Variants in LDLRAD3 observed in about 807,000 individuals in gnomAD.
The protein encoded by LDLRAD3 is low density lipoprotein receptor class A domain containing 3.
A neutral mutation model predicts 29.4 loss-of-function variants in LDLRAD3; 20 were observed. That is an observed-to-expected ratio of 0.68 (90% CI 0.48 to 0.99). The LOEUF (loss-of-function observed/expected upper bound fraction) is 0.99, where lower values mean the gene tolerates loss of function less well. LDLRAD3 is among the 50% of genes least tolerant of loss of function. The pLI is 0.00. For synonymous variants in LDLRAD3, 157 were observed against 192.7 expected (o/e 0.81, Z 1.53); for missense variants, 420 against 454.3 (o/e 0.92, Z 0.69).
intron 4 of LDLRAD3, among the ~76,000 whole-genome samples, chr11:36,205,205 C>T (rs567983312): frequency 1.3e-4 from 20 of 152,318 alleles, no homozygotes; most frequent in South Asian, 1.0e-3. Flanking sequence ...CTGTGTTCTC[C>T]GTGGGGCCGG....
chr11:35,962,157 G>C (rs1414197675), intron 1 of LDLRAD3, among the ~76,000 whole-genome samples: 1 of 151,904 alleles, frequency 6.6e-6, no homozygotes, highest in Non-Finnish European at 1.5e-5. Context: ...CTGTCTTCTT[G>C]GTCTTTTTGA....
At chr11:36,194,022 T>G (rs1526054) in intron 4 of LDLRAD3, among the ~76,000 whole-genome samples, 56,061 of 151,980 alleles carry the variant, frequency 0.37, 10,480 homozygotes, top group East Asian at 0.51. Context: ...ATGAGATTAT[T>G]ATTACATAAA....
intron 1 of LDLRAD3, among the ~76,000 whole-genome samples, chr11:35,976,743 G>A (rs1370421386): frequency 5.3e-5 from 8 of 152,180 alleles, no homozygotes; most frequent in Admixed American, 2.6e-4. Flanking sequence ...ACTATGAGGT[G>A]TCTGAGACGA....
chr11:36,033,750 G>C (rs1255952432), intron 1 of LDLRAD3, among the ~76,000 whole-genome samples: 1 of 152,128 alleles, frequency 6.6e-6, no homozygotes, highest in Non-Finnish European at 1.5e-5. Context: ...TGCCCTTCTA[G>C]GGTCCCCCTC....
intron 4 of LDLRAD3, among the ~76,000 whole-genome samples, chr11:36,103,333 G>A (rs561063475): frequency 4.6e-5 from 7 of 151,410 alleles, no homozygotes; most frequent in Non-Finnish European, 8.8e-5. Context: ...CACCTCCCGG[G>A]TTCACACCAT....
chr11:36,033,652 A>G (rs1294144821), intron 1 of LDLRAD3, among the ~76,000 whole-genome samples: 2 of 152,146 alleles, frequency 1.3e-5, no homozygotes, highest in African/African-American at 4.8e-5. Flanking sequence ...GCAGTTCTCT[A>G]ACAACAGAGC....
chr11:36,116,844 C>CTTT (rs58819693), intron 4 of LDLRAD3, among the ~76,000 whole-genome samples: 1,841 of 136,972 alleles, frequency 0.013, 48 homozygotes, highest in African/African-American at 0.047. Flanking sequence ...TTCTTTTTTT[C>CTTT]TTTTTTTTTT....
At chr11:35,945,756 T>A (rs1224894436) in intron 1 of LDLRAD3, among the ~76,000 whole-genome samples, 1 of 152,174 alleles carries the variant, frequency 6.6e-6, no homozygotes, top group Non-Finnish European at 1.5e-5. Context: ...AATGGAAACT[T>A]ATTTATTGCA....
chr11:35,994,847 G>T (rs1437856911), intron 1 of LDLRAD3, among the ~76,000 whole-genome samples: 1 of 152,176 alleles, frequency 6.6e-6, no homozygotes, highest in Non-Finnish European at 1.5e-5. Context: ...CACTTTGTTT[G>T]CTCATCTGTA....
intron 2 of LDLRAD3, among the ~76,000 whole-genome samples, chr11:36,076,112 A>G (rs888788590): frequency 6.6e-6 from 1 of 152,122 alleles, no homozygotes; most frequent in Non-Finnish European, 1.5e-5. Context: ...TGCTGTTGAG[A>G]TGTACTGCTT....
rs1855541372 is a variant in LDLRAD3 at position 36,229,249 on chromosome 11, C to T, written c.890C>T (p.Ser297Phe). 3 of 1,614,124 alleles carry T rather than the reference C, an allele frequency of 1.9e-6. No individual in the cohort carries two copies. The highest frequency in any genetic ancestry group is 1.1e-5 in the South Asian group (1 of 91,088). ...QADLPPYRSR[S>F]GSANSASSQA... is the part of the protein sequence containing the mutation. ...GACCTGCCCCCCTACCGCTCCCGGT[C>T]CGGGAGTGCCAACAGTGCCAGCTCC... is the stretch of plus-strand genomic sequence containing the variant. Residue 297 changes from serine to phenylalanine, a missense_variant, in exon 6 of 6, where the codon TCC becomes TTC. By Grantham distance (155) the Ser-to-Phe change is radical (BLOSUM62 -2). Transcript: ENST00000315571.
chr11:36,217,006 C>T (rs1855361656), intron 4 of LDLRAD3, among the ~76,000 whole-genome samples: 1 of 152,156 alleles, frequency 6.6e-6, no homozygotes, highest in South Asian at 2.1e-4. Flanking sequence ...CACTTGTTTG[C>T]TCTATGACCT....
chr11:36,139,775 T>C (rs545316436), intron 4 of LDLRAD3, among the ~76,000 whole-genome samples: 1 of 152,164 alleles, frequency 6.6e-6, no homozygotes, highest in East Asian at 1.9e-4. Context: ...GAGACGAGGG[T>C]GAAGGGATAG....
At chr11:35,966,251 C>A (rs1404591454) in intron 1 of LDLRAD3, among the ~76,000 whole-genome samples, 2 of 152,036 alleles carry the variant, frequency 1.3e-5, no homozygotes, top group East Asian at 1.9e-4. Context: ...ATGGTGAAAC[C>A]CCATCTCTAC....
rs971492993 is a variant in LDLRAD3, at chr11:36,157,040, A to C, written c.454+58579A>C. Among the ~76,000 whole-genome samples, 9 of 152,308 alleles carry C rather than the reference A, an allele frequency of 5.9e-5. No individual in the cohort carries two copies. The East Asian group carries it at 9.7e-4, about 16-fold the overall frequency. ...TGGGGAGAGGATGGGAAACAGCGTA[A>C]GGGCTGTAATTTTCAGCCTGGAATA... On this transcript the variant is annotated intron_variant, in intron 4 of 5. Coordinates refer to ENST00000315571, the MANE Select transcript of LDLRAD3 (RefSeq NM_174902.4).
intron 4 of LDLRAD3, among the ~76,000 whole-genome samples, chr11:36,123,604 G>T (rs1311892767): frequency 6.6e-6 from 1 of 152,256 alleles, no homozygotes; most frequent in Non-Finnish European, 1.5e-5. Flanking sequence ...CTGCAAGGTG[G>T]CATGGCCAAG....
chr11:36,173,283 C>T (rs1296533122), intron 4 of LDLRAD3, among the ~76,000 whole-genome samples: 2 of 150,634 alleles, frequency 1.3e-5, no homozygotes, highest in Non-Finnish European at 3.0e-5. Context: ...GTGTGCTGCA[C>T]CCATTAACTC....
chr11:36,137,022 A>G (rs961358231), intron 4 of LDLRAD3, among the ~76,000 whole-genome samples: 1 of 152,170 alleles, frequency 6.6e-6, no homozygotes, highest in Admixed American at 6.5e-5. Context: ...ACCCAGACTC[A>G]GGTATTTCTT....
At chr11:36,217,034 C>T (rs189586261) in intron 4 of LDLRAD3, among the ~76,000 whole-genome samples, 5 of 152,262 alleles carry the variant, frequency 3.3e-5, no homozygotes, top group Admixed American at 2.6e-4. Context: ...GTTACTTAAC[C>T]TCTCTGTTAA....
Sources: gnomAD v4.1 joint callset for allele counts (sites outside exome capture counted in the v4.1 genomes callset) on GRCh38, gnomAD v4.1.1 for gene constraint, MANE v1.5 for transcripts, NCBI Gene and HGNC (gene_info 2026-07-23, HGNC 2026-07-21) for gene names.